CADPS2: variants seen among roughly 807,000 people sequenced by gnomAD.
The protein encoded by CADPS2 is calcium-dependent secretion activator 2.
A neutral mutation model predicts 172.5 loss-of-function variants in CADPS2; 93 were observed. That is an observed-to-expected ratio of 0.54 (90% confidence interval 0.46 to 0.64). The LOEUF (loss-of-function observed/expected upper bound fraction) is 0.64. Among genes scored for constraint, CADPS2 ranks in the 30% least tolerant of loss-of-function variants. The pLI is 0.00. For missense variants in CADPS2, 1,420 were observed against 1,565.9 expected, an observed-to-expected ratio of 0.91 and a Z score of 1.57; for synonymous variants, 546 against 555.2, an observed-to-expected ratio of 0.98 and a Z score of 0.23.
At chr7:122,751,423 C>T (rs1292375750) in intron 1 of CADPS2, among the ~76,000 whole-genome samples, 4 of 152,156 alleles carry the variant, frequency 2.6e-5, no homozygotes, top group Non-Finnish European at 2.9e-5. Flanking sequence ...AGACTGAGAG[C>T]ATAGTTTCGT....
chr7:122,820,590 C>T lies in CADPS2; in HGVS notation c.339+65409G>A, dbSNP rs1199845904. The stretch of plus-strand genomic sequence containing the variant: ...TTTTTTTTTTTTTGAGACGGAGTCT[C>T]GCTCTGTCGCCCAGGCTGGAGTGCA... On this transcript the variant is annotated intron_variant, in intron 1 of 29. Transcript: ENST00000449022. 1.7e-4 allele frequency among the ~76,000 whole-genome samples: 18 copies of T among 107,530 alleles called. 2 individuals carry two copies. The highest frequency in any genetic ancestry group is 6.9e-4 in the African/African-American group (18 of 25,962). 70.5% of individuals were successfully genotyped at this position (107,530 alleles called of 152,430 possible).
chr7:122,735,002 T>C (rs1451036628), intron 2 of CADPS2, among the ~76,000 whole-genome samples: 2 of 152,174 alleles, frequency 1.3e-5, no homozygotes, highest in Non-Finnish European at 2.9e-5. Flanking sequence ...AGTCATTTAA[T>C]TCCACTGGTT....
chr7:122,496,877 T>C (rs894832154), intron 9 of CADPS2, among the ~76,000 whole-genome samples: 5 of 152,198 alleles, frequency 3.3e-5, no homozygotes, highest in Non-Finnish European at 7.4e-5. Context: ...ATATCTGATA[T>C]TCTTTTCTGA....
intron 1 of CADPS2, among the ~76,000 whole-genome samples, chr7:122,744,819 C>G (rs1010534526): frequency 6.6e-6 from 1 of 152,144 alleles, no homozygotes; most frequent in African/African-American, 2.4e-5. Flanking sequence ...CAGTCCGATT[C>G]AAACCTCAGC....
intron 28 of CADPS2, among the ~76,000 whole-genome samples, chr7:122,334,194 A>T (rs566936883): frequency 1.4e-4 from 21 of 152,260 alleles, no homozygotes; most frequent in Middle Eastern, 3.4e-3. Context: ...ATGTACATAT[A>T]TGAGAATACA....
intron 3 of CADPS2, among the ~76,000 whole-genome samples, chr7:122,652,464 A>C (rs2079260913): frequency 6.6e-6 from 1 of 152,178 alleles, no homozygotes; most frequent in Non-Finnish European, 1.5e-5. Flanking sequence ...ATACAGTTTT[A>C]ATATTATATA....
chr7:122,622,339 A>T (rs2075686115), intron 4 of CADPS2, among the ~76,000 whole-genome samples: 1 of 152,206 alleles, frequency 6.6e-6, no homozygotes, highest in East Asian at 1.9e-4. Flanking sequence ...GAAAAAGTTA[A>T]GTTTAAAGCA....
chr7:122,681,394 C>A (rs1251663532), intron 2 of CADPS2: 4 of 1,492,904 alleles, frequency 2.7e-6, no homozygotes, highest in Non-Finnish European at 3.7e-6. Flanking sequence ...ACTAACTGTG[C>A]CCGATGCGTG....
intron 3 of CADPS2, among the ~76,000 whole-genome samples, chr7:122,658,071 T>C (rs970542969): frequency 2.0e-5 from 3 of 152,030 alleles, no homozygotes; most frequent in African/African-American, 4.8e-5. Context: ...CATCAAAAAG[T>C]GGGCAAAGGA....
At chr7:122,885,031 C>T (rs534783145) in intron 1 of CADPS2, among the ~76,000 whole-genome samples, 1 of 152,320 alleles carries the variant, frequency 6.6e-6, no homozygotes, top group South Asian at 2.1e-4. Flanking sequence ...CTCTGGATCT[C>T]TAGGTCTTGT....
intron 1 of CADPS2, among the ~76,000 whole-genome samples, chr7:122,836,404 G>T (rs1808429469): frequency 6.6e-6 from 1 of 151,934 alleles, no homozygotes; most frequent in African/African-American, 2.4e-5. Context: ...ACATCATAAT[G>T]ACAGGATCAA....
chr7:122,712,322 G>A (rs533001176), intron 2 of CADPS2, among the ~76,000 whole-genome samples: 6 of 152,186 alleles, frequency 3.9e-5, no homozygotes, highest in African/African-American at 1.2e-4. Context: ...GCATGACTAA[G>A]GACCTGCCAT....
chr7:122,349,571 T>C (rs1163999918), intron 27 of CADPS2, among the ~76,000 whole-genome samples: 1 of 152,126 alleles, frequency 6.6e-6, no homozygotes, highest in African/African-American at 2.4e-5. Context: ...AATTCCCCCA[T>C]GAGCACAAAG....
chr7:122,340,328 C>T (rs1154608), intron 28 of CADPS2, among the ~76,000 whole-genome samples: 96,984 of 152,010 alleles, frequency 0.64, 31,245 homozygotes, highest in Non-Finnish European at 0.67. Context: ...ACCAATTAAA[C>T]ATTGTACCCT....
intron 8 of CADPS2, among the ~76,000 whole-genome samples, chr7:122,522,601 T>C (rs922258016): frequency 6.6e-6 from 1 of 152,144 alleles, no homozygotes; most frequent in African/African-American, 2.4e-5. Context: ...TTTAAAAACA[T>C]ACAATAAATT....
intron 25 of CADPS2, among the ~76,000 whole-genome samples, chr7:122,366,168 T>C (rs2040815856): frequency 6.6e-6 from 1 of 151,572 alleles, no homozygotes; most frequent in African/African-American, 2.4e-5. Context: ...TCCATGAATT[T>C]AGTTAAAAAA....
chr7:122,752,881 T>A (rs1000465546), intron 1 of CADPS2, among the ~76,000 whole-genome samples: 4 of 151,896 alleles, frequency 2.6e-5, no homozygotes, highest in Admixed American at 2.6e-4. Flanking sequence ...GCGGGGCACA[T>A]AAAAGAGAAA....
At chr7:122,490,835 T>C (rs932797941) in intron 10 of CADPS2, among the ~76,000 whole-genome samples, 1 of 152,138 alleles carries the variant, frequency 6.6e-6, no homozygotes, top group Non-Finnish European at 1.5e-5. Context: ...TGATCTTAGA[T>C]ATTAATGTCA....
intron 14 of CADPS2, among the ~76,000 whole-genome samples, chr7:122,466,800 A>G (rs768002275): frequency 2.6e-5 from 4 of 152,192 alleles, no homozygotes; most frequent in Non-Finnish European, 5.9e-5. Flanking sequence ...GCTCAGACAG[A>G]TTAAAACCAT....
Sources: allele counts gnomAD v4.1 joint callset (sites outside exome capture counted in the v4.1 genomes callset), GRCh38; gene constraint gnomAD v4.1.1; transcripts MANE v1.5; gene names NCBI Gene and HGNC (gene_info 2026-07-23, HGNC 2026-07-21).